The following CSGALNACT1 variants were observed in gnomAD, a reference collection of about 807,000 sequenced individuals.
CSGALNACT1 encodes beta4GalNAcT-1.
Under a neutral mutation model 51.0 loss-of-function variants are expected in CSGALNACT1, and 52 were observed. The observed-to-expected ratio is 1.02, with a 90% CI of 0.82 to 1.29. The LOEUF is 1.29. Among genes scored for constraint, CSGALNACT1 ranks in the 50% most tolerant of loss-of-function variants. The pLI is 0.00. For missense variants in CSGALNACT1, 935 were observed against 679.2 expected (o/e 1.38, Z -4.19); for synonymous variants, 341 against 254.4 (o/e 1.34, Z -3.24).
At chr8:19,728,130 T>C (rs990430027) in intron 1 of CSGALNACT1, among the ~76,000 whole-genome samples, 1 of 152,134 alleles carries the variant, frequency 6.6e-6, no homozygotes, top group Non-Finnish European at 1.5e-5. Flanking sequence ...CCTGGGCAAG[T>C]CATTTAGACA....
intron 1 of CSGALNACT1, among the ~76,000 whole-genome samples, chr8:19,746,021 T>A (rs757729602): frequency 2.0e-5 from 3 of 152,168 alleles, no homozygotes; most frequent in Non-Finnish European, 4.4e-5. Flanking sequence ...TTTCAGCTCC[T>A]TGATAATATC....
chr8:19,543,657 T>C (rs966734162), intron 3 of CSGALNACT1, among the ~76,000 whole-genome samples: 42 of 152,282 alleles, frequency 2.8e-4, no homozygotes, highest in African/African-American at 9.9e-4. Context: ...CTGGGGAAGG[T>C]GCACTCTTTA....
chr8:19,542,093 A>T (rs1342942813), intron 3 of CSGALNACT1, among the ~76,000 whole-genome samples: 1 of 152,202 alleles, frequency 6.6e-6, no homozygotes, highest in African/African-American at 2.4e-5. Context: ...GGAAGCAAAA[A>T]GAATAAATGA....
intron 3 of CSGALNACT1, among the ~76,000 whole-genome samples, chr8:19,519,720 A>C (rs28532825): frequency 0.45 from 68,672 of 151,942 alleles, 17,233 homozygotes; most frequent in African/African-American, 0.69. Context: ...AAAGTGACAA[A>C]CTAGTAATTA....
intron 1 of CSGALNACT1, among the ~76,000 whole-genome samples, chr8:19,618,629 CAAAAAAAAAA>C (rs60787326): frequency 1.1e-3 from 68 of 64,048 alleles, no homozygotes; most frequent in Middle Eastern, 0.032. Flanking sequence ...AATACTCCAT[CAAAAAAAAAA>C]AAAAAAAAAA....
At chr8:19,449,526 T>C (rs192097699) in intron 5 of CSGALNACT1, among the ~76,000 whole-genome samples, 226 of 142,250 alleles carry the variant, frequency 1.6e-3, no homozygotes, top group African/African-American at 5.9e-3. Flanking sequence ...CTCATTTCAA[T>C]TTCCGAGACT....
chr8:19,708,563 G>A (rs2062318390), intron 1 of CSGALNACT1, among the ~76,000 whole-genome samples: 3 of 152,154 alleles, frequency 2.0e-5, no homozygotes, highest in South Asian at 2.1e-4. Context: ...GGGTCACAGC[G>A]AGTTAGGAAG....
exon 3 of CSGALNACT1, chr8:19,591,183 G>A (rs2047742223): frequency 6.6e-6 from 1 of 152,318 alleles, no homozygotes; most frequent in East Asian, 1.9e-4. Flanking sequence ...CACAGCAGCA[G>A]CAAGAGCTGG....
chr8:19,511,229 C>A (rs1276259390), intron 3 of CSGALNACT1, among the ~76,000 whole-genome samples: 2 of 152,330 alleles, frequency 1.3e-5, no homozygotes, highest in Non-Finnish European at 1.5e-5. Flanking sequence ...GACATCTCCA[C>A]CCCGTGTGCA....
chr8:19,519,144 T>A (rs1215808890), intron 3 of CSGALNACT1, among the ~76,000 whole-genome samples: 1 of 152,164 alleles, frequency 6.6e-6, no homozygotes, highest in African/African-American at 2.4e-5. Flanking sequence ...GTAAAAGTGT[T>A]CACTTTGAGT....
chr8:19,601,740 G>C (rs866707520), intron 2 of CSGALNACT1, 31 bp downstream of exon 2: 1 of 446,632 alleles, frequency 2.2e-6, no homozygotes, highest in East Asian at 7.0e-5. Flanking sequence ...CCATGCAAAG[G>C]TTTGTTTCTT....
chr8:19,490,651 C>T (rs977886267), intron 4 of CSGALNACT1, among the ~76,000 whole-genome samples: 2 of 152,158 alleles, frequency 1.3e-5, no homozygotes, highest in African/African-American at 4.8e-5. Flanking sequence ...GCTTGGACAC[C>T]TGTAGTCTCC....
intron 3 of CSGALNACT1, among the ~76,000 whole-genome samples, chr8:19,579,922 G>A (rs2045189262): frequency 6.6e-6 from 1 of 152,184 alleles, no homozygotes; most frequent in Non-Finnish European, 1.5e-5. Flanking sequence ...AAGAAGGAAG[G>A]GAAAGGACAG....
intron 2 of CSGALNACT1, among the ~76,000 whole-genome samples, chr8:19,595,759 T>C (rs1044075845): frequency 4.6e-5 from 7 of 152,212 alleles, no homozygotes; most frequent in South Asian, 2.1e-4. Context: ...AATTCTTTCC[T>C]TTGTCTACCC....
At chr8:19,424,079 C>T (rs1221507443) in intron 6 of CSGALNACT1, among the ~76,000 whole-genome samples, 2 of 152,196 alleles carry the variant, frequency 1.3e-5, no homozygotes, top group South Asian at 2.1e-4. Context: ...GGCCAGAAGG[C>T]AACATTGCTG....
At chr8:19,701,247 C>T (rs1296402932) in intron 1 of CSGALNACT1, among the ~76,000 whole-genome samples, 2 of 143,086 alleles carry the variant, frequency 1.4e-5, no homozygotes, top group Non-Finnish European at 3.0e-5. Flanking sequence ...CTTCAGCCTC[C>T]CAGGTTCAAG....
chr8:19,591,302 A>T lies in CSGALNACT1; in HGVS notation c.-415-24T>A, dbSNP rs1309325604. ...GTCTGGAGGTTCAAGGACAGAAGGG[A>T]AGAATTACTTAAATACACCCTAAGT... On this transcript the variant is annotated intron_variant, in intron 2 of 9. Transcript: ENST00000454498. 3.9e-5 allele frequency: 6 copies of T among 152,230 alleles called. No individual in the cohort carries two copies. The East Asian group carries it at 1.2e-3, about 29-fold the overall frequency. The allele number at this position is 152,230 out of a possible 1,614,324, so 9.4% of individuals were successfully genotyped here. A position where few individuals can be genotyped will look rare whatever the true frequency, so the allele number is the denominator to read the frequency against.
intron 1 of CSGALNACT1, among the ~76,000 whole-genome samples, chr8:19,702,597 C>T (rs962249211): frequency 4.6e-5 from 7 of 152,152 alleles, no homozygotes; most frequent in African/African-American, 1.7e-4. Context: ...CACTCCCCTT[C>T]CCAAGCAAAA....
chr8:19,460,723 G>A (rs1012386298), intron 4 of CSGALNACT1, among the ~76,000 whole-genome samples: 1 of 152,118 alleles, frequency 6.6e-6, no homozygotes, highest in South Asian at 2.1e-4. Flanking sequence ...GTTTCTCAAG[G>A]TCTCTCACAA....
Sources: allele counts gnomAD v4.1 joint callset (sites outside exome capture counted in the v4.1 genomes callset), GRCh38; gene constraint gnomAD v4.1.1; transcripts MANE v1.5; gene names NCBI Gene and HGNC (gene_info 2026-07-23, HGNC 2026-07-21).